The following TM9SF2 variants were observed in gnomAD, a reference collection of about 807,000 sequenced individuals.
The protein encoded by TM9SF2 is transmembrane 9 superfamily member 2, also known as 76 kDa membrane protein.
Under a neutral mutation model 84.9 loss-of-function variants are expected in TM9SF2, and 13 were observed. The ratio of observed to expected loss-of-function variants is 0.15; its 90% CI spans 0.10 to 0.24. The LOEUF (loss-of-function observed/expected upper bound fraction) is 0.24. TM9SF2 is among the 10% of genes least tolerant of loss of function. TM9SF2 has a pLI of 1.00. For synonymous variants in TM9SF2, 273 were observed against 285.8 expected (o/e 0.96, Z 0.45); for missense variants, 562 against 818.5 (o/e 0.69, Z 3.82).
At chr13:99,502,811 A>C (rs1292081072) in intron 1 of TM9SF2, among the ~76,000 whole-genome samples, 1 of 152,200 alleles carries the variant, frequency 6.6e-6, no homozygotes, top group East Asian at 1.9e-4. Context: ...CTTATTTATT[A>C]AGTTTGATTT....
At chr13:99,522,455 T>C (rs968444142) in intron 3 of TM9SF2, among the ~76,000 whole-genome samples, 1 of 152,232 alleles carries the variant, frequency 6.6e-6, no homozygotes. Context: ...TGTATGGACA[T>C]GGGTGCCATT....
intron 12 of TM9SF2, among the ~76,000 whole-genome samples, chr13:99,551,780 T>G (rs2046306413): frequency 6.6e-6 from 1 of 152,130 alleles, no homozygotes; most frequent in Admixed American, 6.5e-5. Flanking sequence ...TGGCAAGACA[T>G]GCAGGTCAAA....
intron 4 of TM9SF2, among the ~76,000 whole-genome samples, chr13:99,532,881 G>C (rs1372361563): frequency 6.6e-6 from 1 of 152,204 alleles, no homozygotes; most frequent in Non-Finnish European, 1.5e-5. Context: ...AAAATTACCT[G>C]AGAAAGTGCT....
chr13:99,555,672 T>G (rs371970566), intron 15 of TM9SF2, 25 bp downstream of exon 15: 1 of 1,524,350 alleles, frequency 6.6e-7, no homozygotes, highest in Non-Finnish European at 9.0e-7. Flanking sequence ...TATTCACTTA[T>G]GTTAATTTGT....
intron 4 of TM9SF2, among the ~76,000 whole-genome samples, chr13:99,533,289 C>T (rs1326256883): frequency 6.6e-6 from 1 of 152,198 alleles, no homozygotes; most frequent in Non-Finnish European, 1.5e-5. Context: ...AGTCTTCTGT[C>T]AGTCTCAGCC....
At chr13:99,524,786 C>T (rs1182290841) in intron 3 of TM9SF2, among the ~76,000 whole-genome samples, 1 of 151,962 alleles carries the variant, frequency 6.6e-6, no homozygotes, top group African/African-American at 2.4e-5. Flanking sequence ...TGGTCTCGAA[C>T]TCCTGACCTT....
At chr13:99,557,743 G>T (rs2046330136) in intron 15 of TM9SF2, among the ~76,000 whole-genome samples, 1 of 151,806 alleles carries the variant, frequency 6.6e-6, no homozygotes, top group Non-Finnish European at 1.5e-5. Flanking sequence ...AAATTAGCTG[G>T]GTGTGATGGC....
intron 6 of TM9SF2, among the ~76,000 whole-genome samples, chr13:99,538,247 G>A (rs1313860370): frequency 1.3e-5 from 2 of 152,140 alleles, no homozygotes; most frequent in Admixed American, 1.3e-4. Context: ...GACAAGTACT[G>A]TGATTTCTCA....
intron 1 of TM9SF2, among the ~76,000 whole-genome samples, chr13:99,503,854 G>T (rs560254206): frequency 8.5e-5 from 13 of 152,048 alleles, no homozygotes; most frequent in Non-Finnish European, 1.9e-4. Context: ...TTGTATTCTA[G>T]TTATTTTTTA....
chr13:99,507,628 A>G (rs2046094173), intron 1 of TM9SF2, among the ~76,000 whole-genome samples: 1 of 152,230 alleles, frequency 6.6e-6, no homozygotes, highest in Non-Finnish European at 1.5e-5. Flanking sequence ...AGCATTTGTG[A>G]GTCCCAGCAT....
At chr13:99,552,475 T>A in intron 13 of TM9SF2, 149 bp downstream of exon 13, 1 of 844,158 alleles carries the variant, frequency 1.2e-6, no homozygotes, top group Non-Finnish European at 1.7e-6. Context: ...ATAGTAGTAT[T>A]ATTTAGGAGC....
chr13:99,539,165 G>T (rs1436836996), intron 6 of TM9SF2, among the ~76,000 whole-genome samples: 1 of 149,640 alleles, frequency 6.7e-6, no homozygotes, highest in African/African-American at 2.5e-5. Flanking sequence ...AACTGTGATG[G>T]CACCACCGCA....
At chr13:99,527,793 C>T (rs763647437) in intron 3 of TM9SF2, among the ~76,000 whole-genome samples, 3 of 152,184 alleles carry the variant, frequency 2.0e-5, no homozygotes, top group Non-Finnish European at 4.4e-5. Flanking sequence ...TTTCATCAGT[C>T]AGCATGCTAG....
chr13:99,527,154 G>A (rs2046187047), intron 3 of TM9SF2, among the ~76,000 whole-genome samples: 1 of 152,140 alleles, frequency 6.6e-6, no homozygotes, highest in South Asian at 2.1e-4. Flanking sequence ...ATGTGGGAAT[G>A]GAAGGATGAC....
chr13:99,504,279 G>A (rs1220934286), intron 1 of TM9SF2, among the ~76,000 whole-genome samples: 10 of 152,138 alleles, frequency 6.6e-5, no homozygotes, highest in Admixed American at 6.5e-4. Flanking sequence ...GTTGTGAAAT[G>A]GAAATAATTT....
intron 12 of TM9SF2, among the ~76,000 whole-genome samples, chr13:99,550,947 CTTA>C (rs1477125918): frequency 6.6e-6 from 1 of 152,140 alleles, no homozygotes; most frequent in East Asian, 1.9e-4. Context: ...TGGATTTCAT[CTTA>C]TTATTTATAG....
intron 12 of TM9SF2, 56 bp from the exon 13 acceptor site, chr13:99,552,111 C>T (rs1179145954): frequency 1.3e-6 from 2 of 1,505,670 alleles, no homozygotes; most frequent in Non-Finnish European, 1.8e-6. Flanking sequence ...TAATTACATA[C>T]TACTGTTGCA....
intron 4 of TM9SF2, among the ~76,000 whole-genome samples, chr13:99,534,825 A>G (rs1295549339): frequency 6.6e-6 from 1 of 152,188 alleles, no homozygotes. Flanking sequence ...AATAAATACT[A>G]CTTGTTAATT....
chr13:99,534,590 T>C (rs1163101262), intron 4 of TM9SF2, among the ~76,000 whole-genome samples: 1 of 152,218 alleles, frequency 6.6e-6, no homozygotes, highest in African/African-American at 2.4e-5. Context: ...GATTAGAAAC[T>C]TTTGGAATTA....
Sources: allele counts gnomAD v4.1 joint callset (sites outside exome capture counted in the v4.1 genomes callset), GRCh38; gene constraint gnomAD v4.1.1; transcripts MANE v1.5; gene names NCBI Gene and HGNC (gene_info 2026-07-23, HGNC 2026-07-21).